The following CCDC158 variants were observed in gnomAD, a reference collection of about 807,000 sequenced individuals.
The protein encoded by CCDC158 is coiled-coil domain containing 158, also known as coiled-coil domain-containing protein 158.
In CCDC158, 116 loss-of-function variants were observed where a neutral mutation model predicts 138.6. The observed-to-expected ratio is 0.84, with a 90% CI of 0.72 to 0.98. The LOEUF (loss-of-function observed/expected upper bound fraction) is 0.98. Among genes scored for constraint, CCDC158 ranks in the 50% least tolerant of loss-of-function variants. The pLI is 0.00. For missense variants in CCDC158, 1,265 were observed against 1,306.1 expected (o/e 0.97, Z 0.48); for synonymous variants, 436 against 442.4 (o/e 0.99, Z 0.18).
intron 24 of CCDC158, among the ~76,000 whole-genome samples, chr4:76,318,857 C>A (rs1719659691): frequency 1.3e-5 from 2 of 152,332 alleles, no homozygotes; most frequent in African/African-American, 4.8e-5. Flanking sequence ...ATGCCGGGTG[C>A]AGTGGCTCAC....
At chr4:76,403,048 T>A in intron 3 of CCDC158, 90 bp downstream of exon 3, 1 of 890,046 alleles carries the variant, frequency 1.1e-6, no homozygotes, top group East Asian at 2.6e-5. Context: ...CCCACATGGT[T>A]AAAAATAAAA....
At chr4:76,345,381 G>A (rs1722449664) in intron 18 of CCDC158, 7 of 1,019,778 alleles carry the variant, frequency 6.9e-6, no homozygotes, top group South Asian at 2.5e-5. Flanking sequence ...GAGCAAAGAC[G>A]TCAAATTGGC....
At chr4:76,355,194 C>A in intron 15 of CCDC158, 130 bp downstream of exon 15, 1 of 635,726 alleles carries the variant, frequency 1.6e-6, no homozygotes, top group Non-Finnish European at 2.8e-6. Context: ...GAACTTTTCC[C>A]TTGTTCTCTC....
rs569028546 is a variant in CCDC158 at position 76,411,449 on chromosome 4, A to G, written c.-74+641T>C. ...ACCCCAAAATCCCAATACTATCTTTATAACTTAAGCAGTGTATGTAAACTA... is the reference window on the plus strand; with the variant it reads ...ACCCCAAAATCCCAATACTATCTTTGTAACTTAAGCAGTGTATGTAAACTA... On this transcript the variant is annotated intron_variant, in intron 2 of 24. Coordinates refer to ENST00000682701, the MANE Select transcript of CCDC158 (RefSeq NM_001394954.1). Among the ~76,000 whole-genome samples, 6 of 152,312 alleles carry G rather than the reference A, an allele frequency of 3.9e-5. No homozygotes were observed. In the South Asian group the frequency reaches 1.2e-3, roughly 32 times the overall value.
At chr4:76,418,213 G>A (rs1253680695) in intron 1 of CCDC158, among the ~76,000 whole-genome samples, 2 of 152,182 alleles carry the variant, frequency 1.3e-5, no homozygotes, top group Non-Finnish European at 2.9e-5. Context: ...CCAACAAAGG[G>A]ACTAAAACCC....
Position 76,323,577 on chromosome 4 carries a change from TA to T in CCDC158, c.3170-169del, listed in dbSNP as rs751581242. ...TAAAGGAAACTCTAAAACATGATTT[TA>T]AAAGAGAGAAAAATGAGTTTTATCT... On this transcript the variant is annotated intron_variant, in intron 23 of 24. Transcript: ENST00000682701. Among the ~76,000 whole-genome samples, 4 of 152,334 alleles carry T rather than the reference TA, an allele frequency of 2.6e-5. No individual in the cohort carries two copies. In the South Asian group the frequency reaches 8.3e-4, roughly 32 times the overall value.
chr4:76,314,225 A>G (rs908090756), intron 24 of CCDC158, among the ~76,000 whole-genome samples: 13 of 152,224 alleles, frequency 8.5e-5, no homozygotes, highest in African/African-American at 3.1e-4. Flanking sequence ...TTTATTTTGT[A>G]AATATCTTCC....
chr4:76,329,144 C>T (rs376169934), intron 21 of CCDC158, among the ~76,000 whole-genome samples, 177 bp from the exon 22 acceptor site: 1 of 152,168 alleles, frequency 6.6e-6, no homozygotes, highest in Admixed American at 6.5e-5. Flanking sequence ...GTTGCATTAT[C>T]TTTTTGTATT....
chr4:76,339,026 G>A (rs1343875168), intron 18 of CCDC158, among the ~76,000 whole-genome samples: 1 of 152,142 alleles, frequency 6.6e-6, no homozygotes, highest in African/African-American at 2.4e-5. Context: ...GCAATAGACG[G>A]TTCAAATTCT....
chr4:76,313,998 CTT>C (rs2110050613), intron 24 of CCDC158, among the ~76,000 whole-genome samples: 1 of 151,968 alleles, frequency 6.6e-6, no homozygotes, highest in African/African-American at 2.4e-5. Flanking sequence ...TTTTTTCTTT[CTT>C]TCTTTCTTGC....
At chr4:76,345,657 A>T (rs1722476992) in intron 18 of CCDC158, 2 of 755,682 alleles carry the variant, frequency 2.6e-6, no homozygotes, top group Admixed American at 1.8e-5. Flanking sequence ...CACTTAAATC[A>T]TTACCATGGA....
intron 1 of CCDC158, among the ~76,000 whole-genome samples, chr4:76,416,819 C>T (rs1444696519): frequency 2.6e-5 from 4 of 152,212 alleles, no homozygotes; most frequent in African/African-American, 9.6e-5. Context: ...CAAAAGTTTG[C>T]TGTAGGGATG....
intron 2 of CCDC158, among the ~76,000 whole-genome samples, chr4:76,410,197 TG>T (rs112264587): frequency 0.029 from 4,389 of 152,158 alleles, 210 homozygotes; most frequent in African/African-American, 0.1. Flanking sequence ...CCCTTTTTTT[TG>T]TTTTGAGACA....
At chr4:76,338,061 G>T (rs969870852) in intron 18 of CCDC158, among the ~76,000 whole-genome samples, 4 of 152,188 alleles carry the variant, frequency 2.6e-5, no homozygotes, top group South Asian at 4.1e-4. Context: ...TCAGATCAGG[G>T]GTGGCATTAG....
chr4:76,335,084 A>G (rs1721355013), intron 18 of CCDC158, among the ~76,000 whole-genome samples: 1 of 152,180 alleles, frequency 6.6e-6, no homozygotes, highest in African/African-American at 2.4e-5. Flanking sequence ...ACTGATGGCT[A>G]TCTTACCTGG....
chr4:76,384,268 A>G lies in CCDC158; in HGVS notation c.546T>C (p.His182=), dbSNP rs1465916968. 1 of 1,613,994 alleles carries G rather than the reference A, an allele frequency of 6.2e-7. No individual in the cohort carries two copies. The highest frequency in any genetic ancestry group is 8.5e-7 in the Non-Finnish European group (1 of 1,180,012). The change falls in exon 6 of 25, where the codon CAT becomes CAC. Residue 182 remains histidine (H), a synonymous_variant. Transcript: ENST00000682701. ...IEQLRKMMLS[H]EGVLQEIRSI... ...ACCGGATTTCTTGAAGCACTCCCTC[A>G]TGACTAAGCATCATTTTTCGTAGTT...
intron 1 of CCDC158, among the ~76,000 whole-genome samples, chr4:76,413,620 G>A (rs1163417803): frequency 6.6e-6 from 1 of 152,148 alleles, no homozygotes; most frequent in Non-Finnish European, 1.5e-5. Context: ...ATATATATGT[G>A]GAGGGCTTCC....
rs759046733 is a variant in CCDC158 at position 76,351,075 on chromosome 4, C to A, written c.2585G>T (p.Arg862Leu). 2 of 1,613,428 alleles carry A rather than the reference C, an allele frequency of 1.2e-6. No homozygotes were observed. The highest frequency in any genetic ancestry group is 2.7e-5 in the African/African-American group (2 of 74,806). Residue 862 changes from arginine (R) to leucine (L), a missense_variant, in exon 18 of 25, where the codon CGC becomes CTC. Arg to Leu is a moderately radical substitution (Grantham distance 102). Coordinates refer to ENST00000682701, the MANE Select transcript of CCDC158 (RefSeq NM_001394954.1). ...GYTSNSSLKP[R>L]LLQPASVTRS... The stretch of plus-strand genomic sequence containing the variant: ...AGTAACAGATGCTGGCTGGAGAAGG[C>A]GTGGTTTCAATGAAGAATTTGAGGT...
At chr4:76,345,458 G>A in intron 18 of CCDC158, 2 of 936,684 alleles carry the variant, frequency 2.1e-6, no homozygotes, top group Non-Finnish European at 1.8e-6. Flanking sequence ...AAGAAGAACT[G>A]ATAAATTTCA....
Sources: gnomAD v4.1 joint callset for allele counts (sites outside exome capture counted in the v4.1 genomes callset) on GRCh38, gnomAD v4.1.1 for gene constraint, MANE v1.5 for transcripts, NCBI Gene and HGNC (gene_info 2026-07-23, HGNC 2026-07-21) for gene names.